The following SYN1 variants were observed in gnomAD, a reference collection of about 807,000 sequenced individuals.
SYN1 encodes the protein synapsin-1.
SYN1 carries 8 observed loss-of-function variants against 44.6 expected under a neutral mutation model. That is an observed-to-expected ratio of 0.18 (90% CI 0.11 to 0.32). SYN1 has a LOEUF of 0.32. Among genes scored for constraint, SYN1 ranks in the 10% least tolerant of loss-of-function variants. The pLI is 1.00. For missense variants in SYN1, 451 were observed against 639.4 expected (o/e 0.71, Z 3.18); for synonymous variants, 275 against 280.1 (o/e 0.98, Z 0.18).
chrX:47,613,932 G>T (rs2057924004), intron 1 of SYN1, among the ~76,000 whole-genome samples: 1 of 111,818 alleles, frequency 8.9e-6, no homozygotes, highest in South Asian at 3.7e-4. Flanking sequence ...GGACACAGAG[G>T]TTAGGAAGGA....
intron 5 of SYN1, among the ~76,000 whole-genome samples, chrX:47,601,697 A>C (rs1254763309): frequency 8.9e-6 from 1 of 112,394 alleles, no homozygotes; most frequent in African/African-American, 3.2e-5. Flanking sequence ...CTGATACCAA[A>C]ACCAGAAAAA....
intron 5 of SYN1, among the ~76,000 whole-genome samples, chrX:47,594,523 ACT>A (rs2057858014): frequency 1.0e-5 from 1 of 100,092 alleles, no homozygotes; most frequent in Non-Finnish European, 2.0e-5. Flanking sequence ...ACAAAGTGAG[ACT>A]CTGTCTCAAA....
intron 1 of SYN1, among the ~76,000 whole-genome samples, chrX:47,608,628 G>A: frequency 9.1e-6 from 1 of 110,159 alleles, no homozygotes; most frequent in Non-Finnish European, 1.9e-5. Context: ...GGAGGAGAGG[G>A]AGCAACAGGA....
Position 47,574,383 on chromosome X carries a change from C to T in SYN1, c.1601G>A (p.Arg534Gln). The change falls in exon 12 of 13, where the codon CGG becomes CAG. Residue 534 changes from arginine (R) to glutamine (Q), a missense_variant. By Grantham distance (43) the Arg-to-Gln change is conservative (BLOSUM62 1). Around this residue, in one of 3 missense-constraint regions of SYN1, gnomAD observed 9 missense variants for 33.2 expected, o/e 0.27. Coordinates refer to ENST00000295987, the MANE Select transcript of SYN1 (RefSeq NM_006950.3). Reference sequence around the variant, plus strand: ...CGCCCCGGGGCCTCCCGCCACTGGCCGGGATTGGCGGCCTTGACCCTGGGT... The same window carrying T: ...CGCCCCGGGGCCTCCCGCCACTGGCTGGGATTGGCGGCCTTGACCCTGGGT... ...PPTQGQGRQS[R>Q]PVAGGPGAPP... The T allele has an allele frequency of 9.8e-7, 1 of 1,022,766 alleles. No homozygotes were observed. Among genetic ancestry groups the T allele is most frequent in the Non-Finnish European group, 1.2e-6 (1 of 810,473 alleles). The allele number at this position is 1,022,766 out of a possible 1,213,427, so 84.3% of individuals were successfully genotyped here. A position where few individuals can be genotyped will look rare whatever the true frequency, so the allele number is the denominator to read the frequency against.
chrX:47,603,916 T>A (rs1281385780), intron 5 of SYN1, among the ~76,000 whole-genome samples: 63 of 100,407 alleles, frequency 6.3e-4, no homozygotes, highest in African/African-American at 2.2e-3. Context: ...ATTTTTTTTT[T>A]TTTTTTTTGA....
At chrX:47,588,340 T>C (rs1386929313) in intron 5 of SYN1, among the ~76,000 whole-genome samples, 1 of 112,848 alleles carries the variant, frequency 8.9e-6, no homozygotes, top group Non-Finnish European at 1.9e-5. Context: ...TGACCGCTCC[T>C]GGCAATTCGC....
chrX:47,604,239 G>A (rs2147927197), intron 5 of SYN1, among the ~76,000 whole-genome samples: 1 of 107,256 alleles, frequency 9.3e-6, no homozygotes, highest in Admixed American at 1.0e-4. Context: ...GTAACCAAAA[G>A]TTCAATTTCT....
chrX:47,593,049 T>G (rs1445459944), intron 5 of SYN1, among the ~76,000 whole-genome samples: 1 of 96,440 alleles, frequency 1.0e-5, no homozygotes, highest in African/African-American at 5.3e-5. Flanking sequence ...TAATTTTGTG[T>G]TTTTTTTGTT....
At chrX:47,619,115 A>G (rs1314275674) in intron 1 of SYN1, among the ~76,000 whole-genome samples, 1 of 110,802 alleles carries the variant, frequency 9.0e-6, no homozygotes, top group Non-Finnish European at 1.9e-5. Context: ...GGTAGTAGGG[A>G]ACAGGTACGC....
In SYN1 at chrX:47,575,097, C is replaced by G. The variant is rs201187632; in HGVS notation, c.1305+31G>C. ...CAGGGCCGGCCTCCCCACACTAGCT[C>G]AAGCCACTAGCTCAGCGCCAGGGGC... On this transcript the variant is annotated intron_variant, in intron 10 of 12. Coordinates refer to ENST00000295987, the MANE Select transcript of SYN1 (RefSeq NM_006950.3). 6.5e-4 allele frequency: 767 copies of G among 1,177,628 alleles called. 2 individuals are homozygous for G. The South Asian group carries it at 0.013, about 20-fold the overall frequency.
intron 5 of SYN1, among the ~76,000 whole-genome samples, chrX:47,597,561 C>G (rs895127476): frequency 3.7e-5 from 4 of 109,475 alleles, no homozygotes; most frequent in Middle Eastern, 9.4e-3. Flanking sequence ...TATGAACACC[C>G]ACATAATGGA....
Position 47,605,272 on chromosome X carries a change from C to G in SYN1, c.635G>C (p.Ser212Thr). ...VIGLQYAGIP[S>T]VNSLHSVYNF... ...GTAGACAGAATGCAAGGAGTTAACA[C>G]TGGGGATTCCAGCATACTGCAGCCC... is the stretch of plus-strand genomic sequence containing the variant. Residue 212 changes from serine (S) to threonine (T), a missense_variant, in exon 4 of 13, where the codon AGT becomes ACT. By Grantham distance (58) the Ser-to-Thr change is moderately conservative. This residue lies in a region of SYN1 where 315 missense variants were observed against 451.4 expected (regional missense o/e 0.70). Transcript: ENST00000295987. 8.3e-7 allele frequency: 1 copy of G among 1,209,260 alleles called. No homozygotes were observed. Among genetic ancestry groups the G allele is most frequent in the Non-Finnish European group, 1.1e-6 (1 of 894,385 alleles).
chrX:47,619,511 C>G lies in SYN1; in HGVS notation c.218G>C (p.Gly73Ala), dbSNP rs1183767661. Residue 73 changes from glycine (G) to alanine (A), a missense_variant, in exon 1 of 13, where the codon GGC becomes GCC. By Grantham distance (60) the Gly-to-Ala change is moderately conservative. Around this residue, in one of 3 missense-constraint regions of SYN1, gnomAD observed 315 missense variants for 451.4 expected, o/e 0.70. Transcript: ENST00000295987. ...PAAPSPGSSG[G>A]GGFFSSLSNA... is the part of the protein sequence containing the mutation. The stretch of plus-strand genomic sequence containing the variant: ...GGACAGCGACGAGAAGAAGCCACCG[C>G]CCCCCGAGGACCCGGGGCTAGGGGC... 1.2e-5 allele frequency: 14 copies of G among 1,197,981 alleles called. No individual in the cohort carries two copies. The highest frequency in any genetic ancestry group is 1.5e-5 in the Non-Finnish European group (13 of 891,964).
chrX:47,583,568 C>T (rs751136722), intron 5 of SYN1: 1 of 1,162,041 alleles, frequency 8.6e-7, no homozygotes, highest in South Asian at 2.0e-5. Flanking sequence ...CCCACACACT[C>T]TGCCTTGGTT....
chrX:47,577,650 G>A (rs1291769455), intron 5 of SYN1, 149 bp from the exon 6 acceptor site: 1 of 520,434 alleles, frequency 1.9e-6, no homozygotes, highest in Non-Finnish European at 3.3e-6. Flanking sequence ...GGCAGCAGCT[G>A]GGGGTCACAC....
At chrX:47,585,229 G>C (rs182947561) in intron 5 of SYN1, 1 of 1,197,581 alleles carries the variant, frequency 8.4e-7, no homozygotes, top group East Asian at 3.0e-5. Context: ...CCAAGCCTTA[G>C]GGGATGCCGC....
intron 5 of SYN1, among the ~76,000 whole-genome samples, chrX:47,600,568 A>G (rs1240891156): frequency 8.9e-6 from 1 of 112,013 alleles, no homozygotes; most frequent in Admixed American, 9.5e-5. Context: ...ACTTCACCCT[A>G]CAATGGCAGA....
At chrX:47,615,909 GA>G (rs201860239) in intron 1 of SYN1, among the ~76,000 whole-genome samples, 1 of 110,643 alleles carries the variant, frequency 9.0e-6, no homozygotes, top group East Asian at 2.8e-4. Context: ...AAAAAAGAAA[GA>G]AAAACACAGG....
At chrX:47,600,191 C>G (rs751605487) in intron 5 of SYN1, among the ~76,000 whole-genome samples, 1 of 110,719 alleles carries the variant, frequency 9.0e-6, no homozygotes, top group Non-Finnish European at 1.9e-5. Flanking sequence ...AGACAGGGAA[C>G]CAAAAAGGAA....
Sources: allele counts gnomAD v4.1 joint callset (sites outside exome capture counted in the v4.1 genomes callset), GRCh38; gene constraint gnomAD v4.1.1; regional missense constraint gnomAD v4.1.1; transcripts MANE v1.5; gene names NCBI Gene and HGNC (gene_info 2026-07-23, HGNC 2026-07-21).